Variants in ZMYM4 observed in about 807,000 individuals in gnomAD.
The protein encoded by ZMYM4 is zinc finger MYM-type containing 4, also known as zinc finger MYM-type protein 4.
Under a neutral mutation model 183.2 loss-of-function variants are expected in ZMYM4, and 31 were observed. The ratio of observed to expected loss-of-function variants is 0.17; its 90% CI spans 0.13 to 0.23. ZMYM4 has a LOEUF of 0.23. Among genes scored for constraint, ZMYM4 ranks in the 10% least tolerant of loss-of-function variants. The pLI, the probability that ZMYM4 is intolerant of heterozygous loss-of-function variation, is 1.00. For synonymous variants in ZMYM4, 592 were observed against 631.2 expected (o/e 0.94, Z 0.93); for missense variants, 1,273 against 1,840.3 (o/e 0.69, Z 5.64).
At chr1:35,269,857 A>T (rs973288327) in intron 1 of ZMYM4, among the ~76,000 whole-genome samples, 4 of 152,198 alleles carry the variant, frequency 2.6e-5, no homozygotes, top group African/African-American at 4.8e-5. Context: ...CAGATGGCGA[A>T]CAATACTGTA....
rs745941371 is a variant in ZMYM4, at chr1:35,359,375, G to T, written c.536G>T (p.Arg179Leu). ...KEKNRDLTYE[R>L]EKRLDKPHKD... Reference sequence around the variant, plus strand: ...AAAAATAGAGACCTAACTTATGAACGTGAAAAACGGTTGGATAAACCCCAT... The same window carrying T: ...AAAAATAGAGACCTAACTTATGAACTTGAAAAACGGTTGGATAAACCCCAT... Residue 179 changes from arginine (R) to leucine (L), a missense_variant, in exon 3 of 30, where the codon CGT becomes CTT. Coordinates refer to ENST00000314607, the MANE Select transcript of ZMYM4 (RefSeq NM_005095.3). The T allele has an allele frequency of 3.8e-6, 6 of 1,596,798 alleles. No homozygotes were observed. Among genetic ancestry groups the T allele is most frequent in the South Asian group, 2.3e-5 (2 of 86,566 alleles).
chr1:35,313,463 A>T (rs1641897049), intron 1 of ZMYM4, among the ~76,000 whole-genome samples: 1 of 139,420 alleles, frequency 7.2e-6, no homozygotes, highest in Admixed American at 7.8e-5. Context: ...ATCTCAGCCC[A>T]CTGCAACGTC....
chr1:35,301,498 G>T (rs1221742481), intron 1 of ZMYM4, among the ~76,000 whole-genome samples: 1 of 150,262 alleles, frequency 6.7e-6, no homozygotes, highest in Non-Finnish European at 1.5e-5. Context: ...GTGAGCCAAG[G>T]TCATGCCACT....
At chr1:35,367,260 C>T (rs907077927) in intron 5 of ZMYM4, among the ~76,000 whole-genome samples, 1 of 151,500 alleles carries the variant, frequency 6.6e-6, no homozygotes, top group Non-Finnish European at 1.5e-5. Flanking sequence ...ACTCTTGTTG[C>T]TCAGGCTGGA....
At chr1:35,294,919 A>G (rs1284809367) in intron 1 of ZMYM4, among the ~76,000 whole-genome samples, 1 of 152,256 alleles carries the variant, frequency 6.6e-6, no homozygotes, top group Non-Finnish European at 1.5e-5. Flanking sequence ...GATAAAAACA[A>G]TAGATAACCA....
intron 5 of ZMYM4, among the ~76,000 whole-genome samples, chr1:35,364,188 C>G (rs2148917733): frequency 6.6e-6 from 1 of 152,252 alleles, no homozygotes; most frequent in East Asian, 1.9e-4. Context: ...GGAAGAACTT[C>G]CCCAAAGGCT....
intron 1 of ZMYM4, among the ~76,000 whole-genome samples, chr1:35,309,546 A>T (rs945723285): frequency 7.9e-5 from 12 of 152,242 alleles, no homozygotes; most frequent in Non-Finnish European, 4.4e-5. Context: ...GGGAGATTAC[A>T]CATAAGAAAC....
rs184375107 is a variant in ZMYM4, at chr1:35,394,376, C to T, written c.2911+637C>T. 2.0e-5 allele frequency among the ~76,000 whole-genome samples: 3 copies of T among 151,810 alleles called. No homozygotes were observed. The East Asian group carries it at 5.8e-4, about 30-fold the overall frequency. On this transcript the variant is annotated intron_variant, in intron 18 of 29. Transcript: ENST00000314607. Reference sequence around the variant, plus strand: ...CCTGCTTTTCCTAGGGTAGAGCCTCCATCCAGTGGATGGAAACTGGGTGAA... The same window carrying T: ...CCTGCTTTTCCTAGGGTAGAGCCTCTATCCAGTGGATGGAAACTGGGTGAA...
At chr1:35,271,476 C>T (rs1416170751) in intron 1 of ZMYM4, among the ~76,000 whole-genome samples, 1 of 152,090 alleles carries the variant, frequency 6.6e-6, no homozygotes, top group East Asian at 1.9e-4. Flanking sequence ...AATCTCGGCT[C>T]GTTGCAACCT....
intron 5 of ZMYM4, among the ~76,000 whole-genome samples, chr1:35,369,453 T>C (rs1039643774): frequency 6.6e-6 from 1 of 152,130 alleles, no homozygotes; most frequent in African/African-American, 2.4e-5. Context: ...ACTGGTATAT[T>C]TAGCCATTAG....
intron 1 of ZMYM4, among the ~76,000 whole-genome samples, chr1:35,297,234 G>A (rs1461372962): frequency 6.6e-6 from 1 of 151,994 alleles, no homozygotes; most frequent in Non-Finnish European, 1.5e-5. Flanking sequence ...AACTTGGCGA[G>A]ACTGAATTCA....
At chr1:35,350,721 G>T in intron 2 of ZMYM4, 2 of 415,940 alleles carry the variant, frequency 4.8e-6, no homozygotes, top group South Asian at 4.8e-5. Flanking sequence ...TCTTCTGCAG[G>T]ATGGGGTTTG....
intron 20 of ZMYM4, among the ~76,000 whole-genome samples, 186 bp from the exon 21 acceptor site, chr1:35,398,227 G>A (rs1252788946): frequency 6.6e-6 from 1 of 152,182 alleles, no homozygotes; most frequent in African/African-American, 2.4e-5. Flanking sequence ...CCCATTAACA[G>A]TGGTAATCTG....
At chr1:35,352,259 A>ACGCG (rs376025575) in intron 2 of ZMYM4, among the ~76,000 whole-genome samples, 8 of 77,610 alleles carry the variant, frequency 1.0e-4, no homozygotes, top group South Asian at 1.0e-3. Context: ...ATTAGCGCGC[A>ACGCG]CGCGCGCGCG....
chr1:35,399,125 G>C, intron 22 of ZMYM4, 82 bp downstream of exon 22: 1 of 1,361,946 alleles, frequency 7.3e-7, no homozygotes, highest in Admixed American at 2.1e-5. Flanking sequence ...ATTAAGCAGT[G>C]CCAATTGTTA....
intron 1 of ZMYM4, among the ~76,000 whole-genome samples, chr1:35,282,981 T>G (rs12735401): frequency 1.1e-4 from 3 of 28,456 alleles, no homozygotes; most frequent in African/African-American, 7.0e-4. Context: ...GTGTGTGTGG[T>G]TTTTTTTTTT....
At chr1:35,301,422 T>C (rs1430712343) in intron 1 of ZMYM4, among the ~76,000 whole-genome samples, 1 of 152,034 alleles carries the variant, frequency 6.6e-6, no homozygotes, top group Non-Finnish European at 1.5e-5. Flanking sequence ...GGCAGGTGCC[T>C]GTAGTCCCAG....
At chr1:35,308,665 A>G (rs1641659776) in intron 1 of ZMYM4, among the ~76,000 whole-genome samples, 1 of 152,196 alleles carries the variant, frequency 6.6e-6, no homozygotes, top group African/African-American at 2.4e-5. Flanking sequence ...GTTCGAGACC[A>G]TCCTGGGCAA....
intron 26 of ZMYM4, 64 bp downstream of exon 26, chr1:35,408,223 A>ATATTCT: frequency 6.3e-7 from 1 of 1,582,372 alleles, no homozygotes; most frequent in Non-Finnish European, 8.6e-7. Flanking sequence ...ATGTCCCCAC[A>ATATTCT]GAAATTACAT....
Sources: gnomAD v4.1 joint callset for allele counts (sites outside exome capture counted in the v4.1 genomes callset) on GRCh38, gnomAD v4.1.1 for gene constraint, MANE v1.5 for transcripts, NCBI Gene and HGNC (gene_info 2026-07-23, HGNC 2026-07-21) for gene names.